Variants in PCDHGA9 observed in about 807,000 individuals in gnomAD.
PCDHGA9 encodes protocadherin gamma-A9.
Under a neutral mutation model 62.5 loss-of-function variants are expected in PCDHGA9, and 37 were observed. That is an observed-to-expected ratio of 0.59 (90% CI 0.46 to 0.78). PCDHGA9 has a LOEUF of 0.78. Among genes scored for constraint, PCDHGA9 ranks in the 30% least tolerant of loss-of-function variants. The pLI is 0.00. For missense variants in PCDHGA9, 1,138 were observed against 1,166.2 expected (o/e 0.98, Z 0.35); for synonymous variants, 459 against 484.6 (o/e 0.95, Z 0.69).
intron 1 of PCDHGA9, chr5:141,478,196 C>T: frequency 6.2e-7 from 1 of 1,614,068 alleles, no homozygotes; most frequent in Middle Eastern, 1.6e-4. Context: ...CACCTTTTAT[C>T]TACTTCTTTC....
At chr5:141,418,594 C>A in intron 1 of PCDHGA9, 4 of 1,614,022 alleles carry the variant, frequency 2.5e-6, no homozygotes, top group Non-Finnish European at 3.4e-6. Context: ...TCAGCCAGGA[C>A]GTGTACAGGG....
chr5:141,450,258 T>A (rs1267755848), intron 1 of PCDHGA9, among the ~76,000 whole-genome samples: 1 of 152,096 alleles, frequency 6.6e-6, no homozygotes, highest in Non-Finnish European at 1.5e-5. Context: ...CCTCAAGTGA[T>A]CTGCCCACCT....
intron 1 of PCDHGA9, chr5:141,415,388 G>A (rs752789407): frequency 1.2e-6 from 2 of 1,614,236 alleles, no homozygotes; most frequent in Non-Finnish European, 1.7e-6. Context: ...GGCTTGACAG[G>A]TGTGTCCGGC....
intron 3 of PCDHGA9, 146 bp from the exon 4 acceptor site, chr5:141,510,801 A>G: frequency 6.7e-7 from 1 of 1,489,832 alleles, no homozygotes; most frequent in Non-Finnish European, 9.1e-7. Flanking sequence ...AAGAGAGACT[A>G]CCTTGGTGAC....
At chr5:141,421,224 T>G (rs1401875673) in intron 1 of PCDHGA9, 2 of 1,582,072 alleles carry the variant, frequency 1.3e-6, no homozygotes, top group Admixed American at 3.6e-5. Flanking sequence ...GCTTAGAGCC[T>G]GCCATGGCGA....
At chr5:141,423,982 T>C in intron 1 of PCDHGA9, 3 of 1,106,134 alleles carry the variant, frequency 2.7e-6, no homozygotes, top group Non-Finnish European at 3.4e-6. Flanking sequence ...TGTATGAGGC[T>C]CTCAATTTAT....
At chr5:141,413,035 C>A (rs1481573261) in intron 1 of PCDHGA9, 2 of 800,134 alleles carry the variant, frequency 2.5e-6, no homozygotes, top group African/African-American at 1.7e-5. Context: ...AAACCGGCTG[C>A]TGGGCTGCAG....
intron 2 of PCDHGA9, among the ~76,000 whole-genome samples, chr5:141,505,066 G>A (rs1312509903): frequency 6.6e-6 from 1 of 152,190 alleles, no homozygotes; most frequent in Non-Finnish European, 1.5e-5. Flanking sequence ...GGAGACTGAG[G>A]CAGGAGAATC....
chr5:141,478,660 T>C, intron 1 of PCDHGA9: 2 of 1,551,848 alleles, frequency 1.3e-6, no homozygotes, highest in Non-Finnish European at 1.7e-6. Flanking sequence ...TGGTGATGCA[T>C]TCACACTTTC....
intron 1 of PCDHGA9, chr5:141,441,731 C>G: frequency 2.8e-6 from 1 of 362,226 alleles, no homozygotes; most frequent in South Asian, 2.2e-5. Context: ...GCGACCAGGA[C>G]TAGCTCGCGC....
Position 141,404,341 on chromosome 5 carries a change from AAAC to A in PCDHGA9, c.1393_1395del (p.Asn465del), listed in dbSNP as rs769977252. 6.2e-7 allele frequency: 1 copy of A among 1,613,966 alleles called. No homozygotes were observed. Among genetic ancestry groups the A allele is most frequent in the Non-Finnish European group, 8.5e-7 (1 of 1,179,872 alleles). On this transcript the variant is annotated inframe_deletion, in exon 1 of 4. Coordinates refer to ENST00000573521, the MANE Select transcript of PCDHGA9 (RefSeq NM_018921.3). ...CCTCCTACTCAGTCTACCTCCCGGA[AAAC>A]AACGCCAGAGGTACTTCCATCTTCT...
intron 1 of PCDHGA9, chr5:141,492,055 G>C (rs1335131646): frequency 4.1e-6 from 2 of 493,506 alleles, no homozygotes; most frequent in Non-Finnish European, 7.1e-6. Flanking sequence ...CACCCCTGCA[G>C]CCAGCCTCCT....
intron 1 of PCDHGA9, among the ~76,000 whole-genome samples, chr5:141,406,576 A>T (rs909778588): frequency 8.5e-5 from 13 of 152,222 alleles, no homozygotes; most frequent in Non-Finnish European, 8.8e-5. Context: ...CTAGTAAACC[A>T]ATTTTTTCCC....
chr5:141,409,000 C>A, intron 1 of PCDHGA9: 4 of 1,613,950 alleles, frequency 2.5e-6, no homozygotes, highest in Non-Finnish European at 3.4e-6. Flanking sequence ...AAGTGACAGC[C>A]ACTGACCAGG....
Position 141,491,420 on chromosome 5 carries a change from G to A in PCDHGA9, c.2425-3387G>A, listed in dbSNP as rs2099713954. 1.2e-6 allele frequency: 2 copies of A among 1,614,004 alleles called. No homozygotes were observed. The highest frequency in any genetic ancestry group is 2.2e-5 in the South Asian group (2 of 91,090). On this transcript the variant is annotated intron_variant, in intron 1 of 3. Transcript: ENST00000573521. This position sits in a 1 kb window ranked among gnomAD's most constrained non-coding sequence, Gnocchi z 6.9. ...GGAAACGCAGACGGGGACGGGGGTG[G>A]AGGGCAGTGCTGCAGGCGCCAGGAC...
chr5:141,410,084 ACGG>A (rs748556729), intron 1 of PCDHGA9: 3 of 1,612,532 alleles, frequency 1.9e-6, no homozygotes, highest in Non-Finnish European at 2.5e-6. Context: ...GGAGGTGCGC[ACGG>A]CTCGAGCCTT....
chr5:141,427,924 G>T, intron 1 of PCDHGA9: 1 of 1,580,140 alleles, frequency 6.3e-7, no homozygotes, highest in Non-Finnish European at 8.7e-7. Flanking sequence ...ATGAGCCGGC[G>T]CATGTTGGTG....
chr5:141,456,383 T>G (rs1372337704), intron 1 of PCDHGA9, among the ~76,000 whole-genome samples: 4 of 152,130 alleles, frequency 2.6e-5, no homozygotes, highest in Admixed American at 2.6e-4. Flanking sequence ...ACAGCACCGT[T>G]TGGAGTTTGA....
rs143252334 is a variant in PCDHGA9 at position 141,431,395 on chromosome 5, T to A, written c.2424+26019T>A. On this transcript the variant is annotated intron_variant, in intron 1 of 3. Transcript: ENST00000573521. The surrounding 1 kb of genome is among the most constrained non-coding windows in gnomAD (Gnocchi z 4.8). ...AAAAGGCTGCTCACCACCTGGTCCT[T>A]ACGGCCTCCGACGGGGGCGACCCGG... 2 of 1,613,720 alleles carry A rather than the reference T, an allele frequency of 1.2e-6. No individual in the cohort carries two copies. Among genetic ancestry groups the A allele is most frequent in the African/African-American group, 2.7e-5 (2 of 74,950 alleles).
Sources: gnomAD v4.1 joint callset for allele counts (sites outside exome capture counted in the v4.1 genomes callset) on GRCh38, gnomAD v4.1.1 for gene constraint, Gnocchi (gnomAD v3.1) non-coding constraint, MANE v1.5 for transcripts, NCBI Gene and HGNC (gene_info 2026-07-23, HGNC 2026-07-21) for gene names.